The following GRID2 variants were observed in gnomAD, a reference collection of about 807,000 sequenced individuals.
GRID2 encodes glutamate receptor ionotropic, delta-2.
A neutral mutation model predicts 114.8 loss-of-function variants in GRID2; 33 were observed. The ratio of observed to expected loss-of-function variants is 0.29; its 90% CI spans 0.22 to 0.38. The LOEUF (loss-of-function observed/expected upper bound fraction) is 0.38. Ranked by LOEUF, GRID2 falls within the 10% of genes least tolerant of loss-of-function variation. The pLI is 1.00. For missense variants in GRID2, 1,184 were observed against 1,257.7 expected (o/e 0.94, Z 0.89); for synonymous variants, 505 against 449.9 (o/e 1.12, Z -1.55).
chr4:93,205,644 A>G (rs1045064589), intron 4 of GRID2, among the ~76,000 whole-genome samples: 11 of 152,140 alleles, frequency 7.2e-5, no homozygotes, highest in African/African-American at 2.7e-4. Context: ...TTATAGCAGC[A>G]TGATTTATAA....
At chr4:92,406,452 G>A (rs1006748387) in intron 1 of GRID2, among the ~76,000 whole-genome samples, 2 of 152,000 alleles carry the variant, frequency 1.3e-5, no homozygotes, top group African/African-American at 2.4e-5. Flanking sequence ...GTTCTTACTG[G>A]CCTAGAACAG....
At chr4:93,625,557 C>A (rs1742626803) in intron 13 of GRID2, among the ~76,000 whole-genome samples, 1 of 152,172 alleles carries the variant, frequency 6.6e-6, no homozygotes, top group Non-Finnish European at 1.5e-5. Flanking sequence ...ATTCAACCAG[C>A]CATGAACTGA....
In GRID2 at chr4:92,680,075, G is replaced by A. The variant is rs1398045137; in HGVS notation, c.244+89789G>A. Among the ~76,000 whole-genome samples the A allele has an allele frequency of 2.0e-5, 3 of 152,062 alleles. No individual in the cohort carries two copies. The East Asian group carries it at 5.8e-4, about 29-fold the overall frequency. Reference sequence around the variant, plus strand: ...CCTGACCGGTGAGTCCCAATGATAAGAGGTCAGGAAGAACTCTTTACTGGA... The same window carrying A: ...CCTGACCGGTGAGTCCCAATGATAAAAGGTCAGGAAGAACTCTTTACTGGA... On this transcript the variant is annotated intron_variant, in intron 2 of 15. Coordinates refer to ENST00000282020, the MANE Select transcript of GRID2 (RefSeq NM_001510.4).
chr4:92,865,529 T>C (rs962695475), intron 2 of GRID2, among the ~76,000 whole-genome samples: 4 of 152,188 alleles, frequency 2.6e-5, no homozygotes, highest in South Asian at 2.1e-4. Context: ...TCTATAAATA[T>C]ATGTGTAAAA....
intron 9 of GRID2, among the ~76,000 whole-genome samples, chr4:93,418,596 T>G (rs2149362217): frequency 6.6e-6 from 1 of 152,208 alleles, no homozygotes; most frequent in African/African-American, 2.4e-5. Context: ...TTGTTTCTTC[T>G]GCAGGTTCTA....
chr4:92,929,669 T>TCAAATGCA (rs1468684579), intron 2 of GRID2, among the ~76,000 whole-genome samples: 2 of 151,194 alleles, frequency 1.3e-5, no homozygotes, highest in East Asian at 3.9e-4. Context: ...ATAGTACAAA[T>TCAAATGCA]CAAATGCACA....
At chr4:92,624,287 G>A (rs945701134) in intron 2 of GRID2, among the ~76,000 whole-genome samples, 1 of 151,746 alleles carries the variant, frequency 6.6e-6, no homozygotes, top group African/African-American at 2.4e-5. Flanking sequence ...GAGGAACTCG[G>A]GCAGTCTGGC....
chr4:92,659,004 T>C (rs1029480936), intron 2 of GRID2, among the ~76,000 whole-genome samples: 1 of 144,820 alleles, frequency 6.9e-6, no homozygotes, highest in Non-Finnish European at 1.5e-5. Context: ...AGGAGTACTG[T>C]AGTGTTATTT....
intron 14 of GRID2, among the ~76,000 whole-genome samples, chr4:93,741,193 ATATATATG>A (rs1414023243): frequency 0.017 from 525 of 30,576 alleles, 52 homozygotes; most frequent in African/African-American, 0.043. Context: ...ATATATATAT[ATATATATG>A]TATATATATA....
intron 2 of GRID2, among the ~76,000 whole-genome samples, chr4:92,815,720 C>G (rs1445355635): frequency 1.3e-5 from 2 of 151,210 alleles, no homozygotes; most frequent in African/African-American, 4.9e-5. Flanking sequence ...CAATACCAGC[C>G]TGGGCAACAT....
intron 2 of GRID2, among the ~76,000 whole-genome samples, chr4:92,975,041 C>A (rs1753772521): frequency 6.6e-6 from 1 of 151,294 alleles, no homozygotes. Context: ...CCTGCAGTCC[C>A]AGCTCCTAGG....
intron 9 of GRID2, among the ~76,000 whole-genome samples, chr4:93,414,575 T>C (rs1275339210): frequency 6.6e-6 from 1 of 152,090 alleles, no homozygotes; most frequent in Non-Finnish European, 1.5e-5. Context: ...CTGAATGCTG[T>C]TTCTACAGAG....
At chr4:92,486,547 TCACACACACACACA>T (rs72216440) in intron 1 of GRID2, among the ~76,000 whole-genome samples, 48 of 137,168 alleles carry the variant, frequency 3.5e-4, no homozygotes, top group African/African-American at 6.2e-4. Context: ...TCTCTCTCTT[TCACACACACACACA>T]CACACACACA....
At chr4:93,050,115 A>G (rs548397369) in intron 2 of GRID2, among the ~76,000 whole-genome samples, 1 of 152,182 alleles carries the variant, frequency 6.6e-6, no homozygotes, top group African/African-American at 2.4e-5. Context: ...CTGAAAGCAA[A>G]GAGACCATTA....
chr4:93,801,781 G>T (rs1438935960), intron 1 of GRID2, among the ~76,000 whole-genome samples: 1 of 152,148 alleles, frequency 6.6e-6, no homozygotes, highest in African/African-American at 2.4e-5. Flanking sequence ...CATACTAACA[G>T]TAAAACAGAA....
intron 4 of GRID2, among the ~76,000 whole-genome samples, chr4:93,165,349 AGC>A (rs1738148712): frequency 1.3e-5 from 2 of 152,110 alleles, no homozygotes. Flanking sequence ...CCCTAAATAT[AGC>A]CAAAGTCAAG....
At chr4:93,784,068 T>A in intron 1 of GRID2, among the ~76,000 whole-genome samples, 1 of 49,744 alleles carries the variant, frequency 2.0e-5, no homozygotes, top group Non-Finnish European at 3.0e-5. Flanking sequence ...CGAGACTCCG[T>A]CTCAAAAAAA....
intron 4 of GRID2, among the ~76,000 whole-genome samples, chr4:93,193,162 T>C (rs1005344210): frequency 1.3e-5 from 2 of 152,178 alleles, no homozygotes; most frequent in Non-Finnish European, 2.9e-5. Flanking sequence ...TTAAAGCCAG[T>C]CAGCCAGCCT....
chr4:92,949,287 T>C (rs1460097989), intron 2 of GRID2, among the ~76,000 whole-genome samples: 1 of 152,036 alleles, frequency 6.6e-6, no homozygotes, highest in Admixed American at 6.6e-5. Flanking sequence ...TTATTAAAGA[T>C]AAAATTTAAA....
Sources: allele counts gnomAD v4.1 joint callset (sites outside exome capture counted in the v4.1 genomes callset), GRCh38; gene constraint gnomAD v4.1.1; transcripts MANE v1.5; gene names NCBI Gene and HGNC (gene_info 2026-07-23, HGNC 2026-07-21).